BLTP1: variants seen among roughly 807,000 people sequenced by gnomAD.
BLTP1 encodes the protein bridge-like lipid transfer protein family member 1, also known as fragile site-associated protein.
chr4:122,246,086 T>C, the BLTP1 span: 1 of 1,457,408 alleles, frequency 6.9e-7, no homozygotes, highest in South Asian at 1.7e-5. Context: ...ATAAGTGAGT[T>C]GCTGTTGTGG....
chr4:122,273,801 T>C, the BLTP1 span, among the ~76,000 whole-genome samples: 117 of 152,144 alleles, frequency 7.7e-4, no homozygotes, highest in Middle Eastern at 0.024. Flanking sequence ...TAAACAAACA[T>C]ATGCCAGTTT....
the BLTP1 span, among the ~76,000 whole-genome samples, chr4:122,159,288 C>G: frequency 6.6e-6 from 1 of 151,746 alleles, no homozygotes; most frequent in African/African-American, 2.4e-5. Context: ...ATGGTGAAAC[C>G]CCGTCTCTAT....
the BLTP1 span, among the ~76,000 whole-genome samples, chr4:122,315,851 G>A: frequency 1.3e-5 from 2 of 152,076 alleles, no homozygotes; most frequent in Non-Finnish European, 2.9e-5. Context: ...TCTTTTAATC[G>A]AGTTCTGTGC....
chr4:122,270,368 T>TGG, the BLTP1 span: 1 of 983,926 alleles, frequency 1.0e-6, no homozygotes, highest in Non-Finnish European at 1.2e-6. Flanking sequence ...TTTTGGTGCT[T>TGG]GGGGCTTATT....
chr4:122,310,081 T>C, the BLTP1 span, among the ~76,000 whole-genome samples: 2 of 151,962 alleles, frequency 1.3e-5, no homozygotes, highest in Non-Finnish European at 2.9e-5. Context: ...AAATTATAAA[T>C]AAGGAGTTAA....
chr4:122,171,943 G>A, the BLTP1 span: 3 of 985,028 alleles, frequency 3.0e-6, no homozygotes, highest in Non-Finnish European at 3.6e-6. Context: ...CTCAGCAAAT[G>A]CCTGTTGCCA....
the BLTP1 span, chr4:122,347,590 A>G: frequency 6.2e-7 from 1 of 1,613,844 alleles, no homozygotes; most frequent in East Asian, 2.2e-5. Context: ...ATCATCAAGA[A>G]AAGCTTACTG....
chr4:122,297,370 G>C, the BLTP1 span, among the ~76,000 whole-genome samples: 1 of 152,166 alleles, frequency 6.6e-6, no homozygotes, highest in Non-Finnish European at 1.5e-5. Flanking sequence ...TCTCACACCA[G>C]TCAGGATGGC....
chr4:122,229,015 T>C, the BLTP1 span: 4,619 of 936,090 alleles, frequency 4.9e-3, 13 homozygotes, highest in Middle Eastern at 7.9e-3. Context: ...TTTTAAAAAA[T>C]ACATCAATAA....
At chr4:122,222,450 T>G in the BLTP1 span, among the ~76,000 whole-genome samples, 3 of 152,182 alleles carry the variant, frequency 2.0e-5, no homozygotes, top group Admixed American at 2.0e-4. Context: ...TGTATTAATT[T>G]CATAGGGATG....
the BLTP1 span, among the ~76,000 whole-genome samples, chr4:122,283,509 C>T: frequency 9.9e-5 from 15 of 151,956 alleles, no homozygotes; most frequent in Non-Finnish European, 1.6e-4. Context: ...CTTTCATATA[C>T]GTTGTTTATT....
the BLTP1 span, chr4:122,249,561 A>G: frequency 6.2e-7 from 1 of 1,613,722 alleles, no homozygotes; most frequent in Admixed American, 1.7e-5. Flanking sequence ...AGTTGGATGA[A>G]TTTACTTTTG....
chr4:122,329,153 T>C, the BLTP1 span, among the ~76,000 whole-genome samples: 1 of 151,808 alleles, frequency 6.6e-6, no homozygotes, highest in African/African-American at 2.4e-5. Context: ...TAACTTACTA[T>C]GAAAAGTTAT....
At chr4:122,311,837 C>T in the BLTP1 span, among the ~76,000 whole-genome samples, 1 of 152,098 alleles carries the variant, frequency 6.6e-6, no homozygotes, top group Non-Finnish European at 1.5e-5. Context: ...AATTACCATC[C>T]TGCATTCAGC....
At chr4:122,190,383 C>A in the BLTP1 span, 1 of 968,086 alleles carries the variant, frequency 1.0e-6, no homozygotes. Context: ...GTCATGAGCC[C>A]ATGGTGCCTG....
the BLTP1 span, chr4:122,277,100 G>T: frequency 4.1e-6 from 4 of 982,088 alleles, no homozygotes; most frequent in African/African-American, 3.5e-5. Context: ...AGTTATTGGA[G>T]CCAAGGTGGG....
At chr4:122,330,564 G>A in the BLTP1 span, among the ~76,000 whole-genome samples, 5 of 151,628 alleles carry the variant, frequency 3.3e-5, no homozygotes, top group African/African-American at 4.8e-5. Context: ...TATTAAAATC[G>A]GATTTTTCTG....
the BLTP1 span, among the ~76,000 whole-genome samples, chr4:122,176,223 A>G: frequency 6.6e-6 from 1 of 152,044 alleles, no homozygotes; most frequent in South Asian, 2.1e-4. Flanking sequence ...GAATTGCTTG[A>G]ACCCAGGAGG....
At chr4:122,273,361 G>A in the BLTP1 span, 1 of 984,556 alleles carries the variant, frequency 1.0e-6, no homozygotes, top group East Asian at 1.1e-4. Context: ...CACACACACG[G>A]TTCTCTGAAA....
Sources: gnomAD v4.1 joint callset for allele counts (sites outside exome capture counted in the v4.1 genomes callset) on GRCh38, gnomAD v4.1.1 for gene constraint, MANE v1.5 for transcripts, NCBI Gene and HGNC (gene_info 2026-07-23, HGNC 2026-07-21) for gene names.